ANKRD42: variants seen among roughly 807,000 people sequenced by gnomAD.
The protein encoded by ANKRD42 is ankyrin repeat domain 42.
Under a neutral mutation model 51.5 loss-of-function variants are expected in ANKRD42, and 43 were observed. That is an observed-to-expected ratio of 0.83 (90% CI 0.65 to 1.08). The LOEUF (loss-of-function observed/expected upper bound fraction) is 1.08. Among genes scored for constraint, ANKRD42 ranks in the 50% least tolerant of loss-of-function variants. ANKRD42 has a pLI of 0.00. For synonymous variants in ANKRD42, 203 were observed against 213.0 expected, an observed-to-expected ratio of 0.95 and a Z score of 0.41; for missense variants, 608 against 629.3, an observed-to-expected ratio of 0.97 and a Z score of 0.36.
chr11:83,211,483 TG>T, intron 5 of ANKRD42, 53 bp downstream of exon 5: 1 of 1,574,454 alleles, frequency 6.4e-7, no homozygotes, highest in Non-Finnish European at 8.7e-7. Context: ...AACTTTTAAA[TG>T]TTTGATCTTG....
intron 3 of ANKRD42, chr11:83,209,438 G>A (rs1391592639): frequency 6.3e-6 from 10 of 1,591,468 alleles, no homozygotes; most frequent in Admixed American, 3.4e-5. Context: ...CAAATACGAC[G>A]ACGAGGAGTT....
At chr11:83,198,881 C>T (rs768922779) in intron 2 of ANKRD42, among the ~76,000 whole-genome samples, 8 of 152,228 alleles carry the variant, frequency 5.3e-5, no homozygotes, top group East Asian at 1.9e-4. Flanking sequence ...ATTTGGATCC[C>T]GGAGACAGCT....
Position 83,208,552 on chromosome 11 carries a change from T to A in ANKRD42, c.331-1748T>A, listed in dbSNP as rs143324599. Among the ~76,000 whole-genome samples the A allele has an allele frequency of 2.6e-3, 393 of 152,270 alleles. 1 individual carries two copies. The highest frequency in any genetic ancestry group is 0.014 in the Middle Eastern group (4 of 294). On this transcript the variant is annotated intron_variant, in intron 3 of 10. Transcript: ENST00000533342. ...AAGATCAGTTAGAGATTTTTTGCTGTAATCACTAACCAGAGAGGGTAAAAA... is the reference window on the plus strand; with the variant it reads ...AAGATCAGTTAGAGATTTTTTGCTGAAATCACTAACCAGAGAGGGTAAAAA...
At chr11:83,245,240 G>T (rs1280626077) in intron 9 of ANKRD42, among the ~76,000 whole-genome samples, 1 of 152,162 alleles carries the variant, frequency 6.6e-6, no homozygotes, top group Non-Finnish European at 1.5e-5. Context: ...TGTTCATAGC[G>T]TTAATAGTCA....
intron 1 of ANKRD42, among the ~76,000 whole-genome samples, chr11:83,198,092 G>A (rs996612020): frequency 6.6e-6 from 1 of 152,150 alleles, no homozygotes; most frequent in Non-Finnish European, 1.5e-5. Flanking sequence ...TGGCTAGTAT[G>A]TACTCAACCT....
chr11:83,206,267 G>A, intron 3 of ANKRD42, 102 bp downstream of exon 3: 2 of 974,790 alleles, frequency 2.1e-6, no homozygotes, highest in Non-Finnish European at 3.0e-6. Context: ...TTAGTTTTAT[G>A]TTCTAAACAA....
intron 9 of ANKRD42, 123 bp from the exon 10 acceptor site, chr11:83,245,374 AC>A (rs1306085253): frequency 6.1e-5 from 62 of 1,020,820 alleles, no homozygotes; most frequent in Non-Finnish European, 8.1e-5. Context: ...ACCTTCCTCC[AC>A]CCCCCTCTCC....
chr11:83,212,215 T>A (rs1862349557), intron 5 of ANKRD42, among the ~76,000 whole-genome samples: 1 of 152,074 alleles, frequency 6.6e-6, no homozygotes, highest in African/African-American at 2.4e-5. Context: ...CCTTCGTAGC[T>A]GGGTTTCAGG....
chr11:83,209,404 G>A (rs767076227), intron 3 of ANKRD42: 16 of 1,574,064 alleles, frequency 1.0e-5, no homozygotes, highest in Middle Eastern at 2.3e-4. Context: ...CGATCATGTC[G>A]CACAAACAAA....
At chr11:83,213,587 G>A in intron 5 of ANKRD42, 5 of 1,134,036 alleles carry the variant, frequency 4.4e-6, no homozygotes, top group Non-Finnish European at 5.5e-6. Flanking sequence ...TCTGATGGAT[G>A]TATCTCATTG....
intron 2 of ANKRD42, among the ~76,000 whole-genome samples, chr11:83,205,558 A>G (rs1590966367): frequency 6.6e-6 from 1 of 152,318 alleles, no homozygotes; most frequent in East Asian, 1.9e-4. Flanking sequence ...AATCTTAAAG[A>G]TACATTTGAC....
intron 6 of ANKRD42, among the ~76,000 whole-genome samples, chr11:83,225,564 C>A (rs79166253): frequency 4.3e-4 from 59 of 136,210 alleles, no homozygotes; most frequent in South Asian, 4.7e-4. Context: ...GACCCTGTCT[C>A]AAAAAAAAAA....
chr11:83,225,799 A>AT (rs1162481131), intron 6 of ANKRD42, among the ~76,000 whole-genome samples: 8 of 151,330 alleles, frequency 5.3e-5, no homozygotes, highest in Non-Finnish European at 1.2e-4. Context: ...AAAAAAAAAA[A>AT]AAAAAAGGAA....
At chr11:83,243,333 C>CTGTGTG (rs775349640) in intron 9 of ANKRD42, among the ~76,000 whole-genome samples, 2 of 151,964 alleles carry the variant, frequency 1.3e-5, no homozygotes, top group Non-Finnish European at 2.9e-5. Context: ...AGTGTAGTGT[C>CTGTGTG]TCGACATCAC....
chr11:83,219,342 T>TG (rs1862642416), intron 5 of ANKRD42, among the ~76,000 whole-genome samples: 1 of 152,246 alleles, frequency 6.6e-6, no homozygotes, highest in African/African-American at 2.4e-5. Context: ...CTTCTGCCAA[T>TG]GCGTCTTACC....
chr11:83,201,994 T>C (rs1176029019), intron 2 of ANKRD42, among the ~76,000 whole-genome samples: 3 of 152,214 alleles, frequency 2.0e-5, no homozygotes, highest in Non-Finnish European at 4.4e-5. Flanking sequence ...CTCTTTAGTT[T>C]AATTAAATCC....
chr11:83,200,580 C>T (rs765922788), intron 2 of ANKRD42, among the ~76,000 whole-genome samples: 4 of 152,164 alleles, frequency 2.6e-5, no homozygotes, highest in African/African-American at 7.2e-5. Context: ...AGGTGCAGTT[C>T]GTGTTACACA....
intron 7 of ANKRD42, among the ~76,000 whole-genome samples, chr11:83,233,533 G>A (rs532962092): frequency 4.6e-5 from 7 of 152,024 alleles, no homozygotes; most frequent in African/African-American, 1.7e-4. Flanking sequence ...AAAAAGCCCA[G>A]CTGTTTGTTT....
Position 83,248,612 on chromosome 11 carries a change from T to G in ANKRD42, c.*408T>G. On this transcript the variant is annotated 3_prime_UTR_variant, in exon 11 of 11. Transcript: ENST00000533342. ...TGGATGAATTAATTCTGTTTGAGGC[T>G]TGTGTCACCTCAAATCTGATCTATT... 1 of 986,946 alleles carries G rather than the reference T, an allele frequency of 1.0e-6. No individual in the cohort carries two copies. Among genetic ancestry groups the G allele is most frequent in the Non-Finnish European group, 1.2e-6 (1 of 831,018 alleles). The allele number at this position is 986,946 out of a possible 1,614,324, so 61.1% of individuals were successfully genotyped here. A position where few individuals can be genotyped will look rare whatever the true frequency, so the allele number is the denominator to read the frequency against.
Sources: gnomAD v4.1 joint callset for allele counts (sites outside exome capture counted in the v4.1 genomes callset) on GRCh38, gnomAD v4.1.1 for gene constraint, MANE v1.5 for transcripts, NCBI Gene and HGNC (gene_info 2026-07-23, HGNC 2026-07-21) for gene names.